The following FSCN2 variants were observed in gnomAD, a reference collection of about 807,000 sequenced individuals.
FSCN2 encodes the protein fascin actin-bundling protein 2, retinal, also known as fascin-2.
Under a neutral mutation model 37.8 loss-of-function variants are expected in FSCN2, and 46 were observed. The observed-to-expected ratio is 1.22, with a 90% CI of 0.96 to 1.56. The LOEUF (loss-of-function observed/expected upper bound fraction) is 1.56. FSCN2 is among the 40% of genes most tolerant of loss of function. The pLI, the probability that FSCN2 is intolerant of heterozygous loss-of-function variation, is 0.00. For synonymous variants in FSCN2, 351 were observed against 309.4 expected (o/e 1.13, Z -1.41); for missense variants, 844 against 730.4 (o/e 1.16, Z -1.79).
rs1228616906 is a variant in FSCN2 at position 81,531,812 on chromosome 17, G to A, written c.826+2455G>A. On this transcript the variant is annotated intron_variant, in intron 1 of 4. Transcript: ENST00000417245. Reference sequence around the variant, plus strand: ...TGGTGATGATGATAATGGTGATGATGGTGGTGGTGATGGTGGTGGTGGTGA... The same window carrying A: ...TGGTGATGATGATAATGGTGATGATAGTGGTGGTGATGGTGGTGGTGGTGA... Among the ~76,000 whole-genome samples, 171 of 125,734 alleles carry A rather than the reference G, an allele frequency of 1.4e-3. 10 individuals are homozygous for A. The highest frequency in any genetic ancestry group is 7.0e-3 in the African/African-American group (159 of 22,744). The allele number at this position is 125,734 out of a possible 152,430, so 82.5% of individuals were successfully genotyped here.
intron 1 of FSCN2, among the ~76,000 whole-genome samples, 183 bp from the exon 2 acceptor site, chr17:81,534,869 G>A (rs1437813832): frequency 2.0e-5 from 3 of 151,670 alleles, no homozygotes; most frequent in East Asian, 2.0e-4. Flanking sequence ...GTCCACAGAC[G>A]GCACATATGG....
Position 81,529,316 on chromosome 17 carries a change from TGCTGGTG to T in FSCN2, c.790_796del (p.Val264ProfsTer22). ...CTGGAGGAGAGTCACCCACAGGTGG[TGCTGGTG>T]GCTGCCAACCACCGCTACGTCTCTG... is the stretch of plus-strand genomic sequence containing the variant. On this transcript the variant is annotated frameshift_variant, in exon 1 of 5. Coordinates refer to ENST00000417245, the MANE Select transcript of FSCN2 (RefSeq NM_012418.4). LOFTEE classifies it high-confidence loss of function. 2 of 1,560,084 alleles carry T rather than the reference TGCTGGTG, an allele frequency of 1.3e-6. No homozygotes were observed. Among genetic ancestry groups the T allele is most frequent in the Non-Finnish European group, 1.7e-6 (2 of 1,151,366 alleles).
intron 1 of FSCN2, among the ~76,000 whole-genome samples, chr17:81,531,237 G>A (rs55799480): frequency 8.1e-4 from 88 of 109,210 alleles, no homozygotes; most frequent in Middle Eastern, 9.4e-3. Context: ...AATGGTGATG[G>A]TGGTGATGAT....
In FSCN2 at chr17:81,528,791, A is replaced by C; in HGVS notation, c.260A>C (p.Asp87Ala). 6.4e-7 allele frequency: 1 copy of C among 1,565,852 alleles called. No homozygotes were observed. Among genetic ancestry groups the C allele is most frequent in the Non-Finnish European group, 8.6e-7 (1 of 1,157,448 alleles). The change falls in exon 1 of 5, where the codon GAC becomes GCC. Residue 87 changes from aspartate to alanine, a missense_variant. Transcript: ENST00000417245. ...VACEAEQPGRDCRFLVLPQPD... is the reference protein window; with the variant it reads ...VACEAEQPGRACRFLVLPQPD... ...TGTGAGGCAGAGCAGCCGGGCCGTG[A>C]CTGCCGCTTCCTGGTCCTGCCGCAG...
the FSCN2 span, among the ~76,000 whole-genome samples, chr17:81,519,702 CTCAG>C: frequency 6.2e-4 from 94 of 152,260 alleles, no homozygotes; most frequent in Admixed American, 9.8e-4. Flanking sequence ...GGCCGGTGAC[CTCAG>C]TCAGGGCTGA....
At chr17:81,521,537 A>G in the FSCN2 span, among the ~76,000 whole-genome samples, 1 of 152,012 alleles carries the variant, frequency 6.6e-6, no homozygotes. Context: ...ATGCCTGGCT[A>G]ATGTTTGTAT....
chr17:81,515,189 T>G, the FSCN2 span, among the ~76,000 whole-genome samples: 72 of 152,190 alleles, frequency 4.7e-4, no homozygotes, highest in African/African-American at 1.6e-3. Context: ...CGCGCTGTGA[T>G]TTTTCTGTTT....
chr17:81,536,847 C>G, intron 4 of FSCN2, 28 bp from the exon 5 acceptor site: 1 of 1,550,402 alleles, frequency 6.4e-7, no homozygotes. Flanking sequence ...CAGGTGGGCA[C>G]CCCCGCCGAC....
chr17:81,529,423 C>G, intron 1 of FSCN2, 66 bp downstream of exon 1: 1 of 1,232,802 alleles, frequency 8.1e-7, no homozygotes, highest in Non-Finnish European at 1.1e-6. Context: ...GGGAGGAGGC[C>G]GTGGGGGTCT....
intron 1 of FSCN2, among the ~76,000 whole-genome samples, chr17:81,531,581 G>T (rs1598574085): frequency 6.7e-6 from 1 of 149,032 alleles, no homozygotes; most frequent in South Asian, 2.2e-4. Context: ...TGATGGTGAT[G>T]ATGGTGATGG....
At chr17:81,523,198 G>A in the FSCN2 span, among the ~76,000 whole-genome samples, 4 of 152,318 alleles carry the variant, frequency 2.6e-5, no homozygotes, top group South Asian at 8.3e-4. Flanking sequence ...ACTGCAGTTC[G>A]GGAAGCTGCT....
rs1568077591 is a variant in FSCN2 at position 81,531,534 on chromosome 17, G to GGTGATGATGGTGATGGCGATGA, written c.826+2177_826+2178insGTGATGATGGTGATGGCGATGA. On this transcript the variant is annotated intron_variant, in intron 1 of 4. Coordinates refer to ENST00000417245, the MANE Select transcript of FSCN2 (RefSeq NM_012418.4). Reference sequence around the variant, plus strand: ...GATGGTGATGGTGGTGATGGCGATGGTGGTGATGATGGTGATGGCGATGAT... The same window carrying GGTGATGATGGTGATGGCGATGA: ...GATGGTGATGGTGGTGATGGCGATGGGTGATGATGGTGATGGCGATGATGGTGATGATGGTGATGGCGATGAT... 1.8e-3 allele frequency among the ~76,000 whole-genome samples: 163 copies of GGTGATGATGGTGATGGCGATGA among 88,866 alleles called. 3 individuals carry two copies. The highest frequency in any genetic ancestry group is 6.0e-3 in the African/African-American group (154 of 25,774). The allele number at this position is 88,866 out of a possible 152,430, so 58.3% of individuals were successfully genotyped here.
chr17:81,536,103 C>CA, intron 2 of FSCN2, 43 bp from the exon 3 acceptor site: 5 of 1,592,644 alleles, frequency 3.1e-6, no homozygotes, highest in Non-Finnish European at 3.4e-6. Context: ...CCTGCACCCC[C>CA]ATCTCCTGCT....
chr17:81,533,269 A>G (rs974108151), intron 1 of FSCN2, among the ~76,000 whole-genome samples: 1 of 152,184 alleles, frequency 6.6e-6, no homozygotes, highest in African/African-American at 2.4e-5. Flanking sequence ...ATTTCTGCCA[A>G]CAGACAGCAT....
the FSCN2 span, among the ~76,000 whole-genome samples, chr17:81,516,090 C>A: frequency 1.6e-3 from 251 of 152,354 alleles, 4 homozygotes; most frequent in East Asian, 0.041. Flanking sequence ...GTGATCCACT[C>A]GCCTAGGCCT....
chr17:81,536,353 A>C, intron 3 of FSCN2, 86 bp downstream of exon 3: 2 of 1,503,934 alleles, frequency 1.3e-6, no homozygotes, highest in Non-Finnish European at 1.8e-6. Flanking sequence ...CTCCACCAAG[A>C]GCTGGACCCT....
intron 1 of FSCN2, among the ~76,000 whole-genome samples, chr17:81,531,529 CGATGGTGGT>C (rs1363720586): frequency 4.7e-5 from 1 of 21,410 alleles, no homozygotes; most frequent in East Asian, 1.2e-3. Flanking sequence ...GTGGTGATGG[CGATGGTGGT>C]GATGATGGTG....
chr17:81,533,503 C>A (rs533364253), intron 1 of FSCN2, among the ~76,000 whole-genome samples: 1 of 152,238 alleles, frequency 6.6e-6, no homozygotes, highest in Non-Finnish European at 1.5e-5. Context: ...GACGCCCTCA[C>A]GGTAGTAATG....
upstream of FSCN2, among the ~76,000 whole-genome samples, chr17:81,528,000 G>A (rs115502854): frequency 2.9e-3 from 444 of 152,210 alleles, no homozygotes; most frequent in African/African-American, 0.01. Context: ...GGGTACGGGC[G>A]GCGATCAGGT....
Sources: allele counts gnomAD v4.1 joint callset (sites outside exome capture counted in the v4.1 genomes callset), GRCh38; gene constraint gnomAD v4.1.1; transcripts MANE v1.5; gene names NCBI Gene and HGNC (gene_info 2026-07-23, HGNC 2026-07-21).